ERC2: variants seen among roughly 807,000 people sequenced by gnomAD.
ERC2 encodes the protein ERC protein 2.
A neutral mutation model predicts 114.8 loss-of-function variants in ERC2; 42 were observed. The ratio of observed to expected loss-of-function variants is 0.37; its 90% CI spans 0.29 to 0.47. The LOEUF (loss-of-function observed/expected upper bound fraction) is 0.47, where lower values mean the gene tolerates loss of function less well. ERC2 is among the 20% of genes least tolerant of loss of function. The probability of loss-of-function intolerance (pLI) is 0.99; values close to 1 mark genes in which losing one functional copy is unlikely to be tolerated. For missense variants in ERC2, 939 were observed against 1,150.7 expected, an observed-to-expected ratio of 0.82 and a Z score of 2.66; for synonymous variants, 454 against 425.5, an observed-to-expected ratio of 1.07 and a Z score of -0.82.
intron 2 of ERC2, among the ~76,000 whole-genome samples, chr3:56,306,985 G>C (rs1328196064): frequency 6.6e-6 from 1 of 152,204 alleles, no homozygotes; most frequent in Non-Finnish European, 1.5e-5. Context: ...TATCAGCAGA[G>C]CCTGTGCCTA....
chr3:56,090,424 A>G (rs1346298142), intron 6 of ERC2, among the ~76,000 whole-genome samples: 2 of 146,654 alleles, frequency 1.4e-5, no homozygotes, highest in Admixed American at 6.8e-5. Context: ...AGTGTTAGGG[A>G]TATAGCCTTT....
At chr3:55,796,334 G>C (rs564165931) in intron 14 of ERC2, among the ~76,000 whole-genome samples, 1 of 152,234 alleles carries the variant, frequency 6.6e-6, no homozygotes, top group Non-Finnish European at 1.5e-5. Context: ...GCTCATCAGC[G>C]ATCCAAGACA....
At chr3:55,845,259 C>T (rs573195170) in intron 14 of ERC2, among the ~76,000 whole-genome samples, 2 of 152,136 alleles carry the variant, frequency 1.3e-5, no homozygotes, top group African/African-American at 2.4e-5. Context: ...AATCCCAGCA[C>T]TTTGGGAGGC....
At chr3:56,223,854 T>C (rs925523547) in intron 3 of ERC2, among the ~76,000 whole-genome samples, 2 of 152,214 alleles carry the variant, frequency 1.3e-5, no homozygotes, top group African/African-American at 4.8e-5. Context: ...CAAAACATTA[T>C]CTCCACATGT....
chr3:56,383,492 GT>G (rs1012277443), intron 2 of ERC2, among the ~76,000 whole-genome samples: 20 of 152,098 alleles, frequency 1.3e-4, no homozygotes, highest in African/African-American at 4.8e-4. Flanking sequence ...GAGAATTTTT[GT>G]TTGTTTCATT....
At chr3:55,800,434 G>A (rs1199114362) in intron 14 of ERC2, among the ~76,000 whole-genome samples, 4 of 152,038 alleles carry the variant, frequency 2.6e-5, no homozygotes, top group African/African-American at 7.2e-5. Context: ...GAGCCACCGC[G>A]CCTAGCCGGA....
chr3:56,217,183 A>C (rs1016292491), intron 3 of ERC2, among the ~76,000 whole-genome samples: 2 of 152,208 alleles, frequency 1.3e-5, no homozygotes, highest in African/African-American at 4.8e-5. Flanking sequence ...TCAATTAGGA[A>C]AAGAGGAAGT....
intron 16 of ERC2, among the ~76,000 whole-genome samples, chr3:55,691,562 AAAAAAAAAAAAATATATATATAT>A (rs1371533062): frequency 2.8e-5 from 2 of 71,788 alleles, no homozygotes; most frequent in South Asian, 5.6e-4. Context: ...AAAAAAAAAA[AAAAAAAAAAAAATATATATATAT>A]ATATATATAT....
intron 17 of ERC2, among the ~76,000 whole-genome samples, chr3:55,642,357 C>G (rs2060224454): frequency 8.2e-6 from 1 of 121,400 alleles, no homozygotes; most frequent in Non-Finnish European, 1.7e-5. Context: ...TCTTTTTTGA[C>G]AGAGTCTTGC....
At chr3:56,162,226 A>G (rs2082085773) in intron 4 of ERC2, among the ~76,000 whole-genome samples, 1 of 152,210 alleles carries the variant, frequency 6.6e-6, no homozygotes. Flanking sequence ...CATTCTAAAA[A>G]TGAAGCCTAC....
chr3:55,741,969 C>T (rs554849711), intron 14 of ERC2, among the ~76,000 whole-genome samples: 8 of 151,980 alleles, frequency 5.3e-5, no homozygotes, highest in Admixed American at 2.0e-4. Flanking sequence ...TACATTTAGT[C>T]AGGATTAACA....
Position 56,230,824 on chromosome 3 carries a change from A to T in ERC2, c.1075-57304T>A, listed in dbSNP as rs189065598. 1.3e-4 allele frequency among the ~76,000 whole-genome samples: 20 copies of T among 152,326 alleles called. No homozygotes were observed. In the South Asian group the frequency reaches 2.1e-3, roughly 16 times the overall value. ...TGAAAACAGTATAAATGGCATTCACATGTTCTTTGCCACTTCTCTCAGTAT... is the reference window on the plus strand; with the variant it reads ...TGAAAACAGTATAAATGGCATTCACTTGTTCTTTGCCACTTCTCTCAGTAT... On this transcript the variant is annotated intron_variant, in intron 3 of 17. Transcript: ENST00000288221.
chr3:55,776,765 G>A (rs975054586), intron 14 of ERC2, among the ~76,000 whole-genome samples: 4 of 152,146 alleles, frequency 2.6e-5, no homozygotes, highest in African/African-American at 9.7e-5. Context: ...CATCCCAAAG[G>A]GCTGCTGTGA....
At chr3:56,124,742 G>A (rs1322856878) in intron 6 of ERC2, among the ~76,000 whole-genome samples, 1 of 152,082 alleles carries the variant, frequency 6.6e-6, no homozygotes, top group Non-Finnish European at 1.5e-5. Context: ...TAGAGATGAC[G>A]AGCACCAACA....
chr3:55,577,447 G>C (rs1221707644), intron 17 of ERC2, among the ~76,000 whole-genome samples: 1 of 152,216 alleles, frequency 6.6e-6, no homozygotes, highest in Admixed American at 6.5e-5. Flanking sequence ...CTTGGGGAAT[G>C]ATAGCTCATC....
chr3:55,529,706 A>C (rs562021341), intron 17 of ERC2, among the ~76,000 whole-genome samples: 1 of 152,326 alleles, frequency 6.6e-6, no homozygotes, highest in African/African-American at 2.4e-5. Context: ...CACACTTAAG[A>C]ACAAACCAGA....
At chr3:56,275,171 G>C (rs962185538) in intron 3 of ERC2, among the ~76,000 whole-genome samples, 2 of 152,196 alleles carry the variant, frequency 1.3e-5, no homozygotes, top group East Asian at 3.8e-4. Flanking sequence ...GAGAGTCACA[G>C]CTTAAAGAAA....
intron 2 of ERC2, among the ~76,000 whole-genome samples, chr3:56,359,971 A>G (rs1301540877): frequency 6.6e-6 from 1 of 151,812 alleles, no homozygotes; most frequent in African/African-American, 2.4e-5. Context: ...AAATTTCAAC[A>G]TGAAATTTGG....
At chr3:56,316,476 A>G (rs1305852964) in intron 2 of ERC2, among the ~76,000 whole-genome samples, 2 of 152,150 alleles carry the variant, frequency 1.3e-5, no homozygotes, top group Non-Finnish European at 2.9e-5. Context: ...TGAGTCCTGA[A>G]TTCAAGCAAG....
Sources: gnomAD v4.1 joint callset for allele counts (sites outside exome capture counted in the v4.1 genomes callset) on GRCh38, gnomAD v4.1.1 for gene constraint, MANE v1.5 for transcripts, NCBI Gene and HGNC (gene_info 2026-07-23, HGNC 2026-07-21) for gene names.